The following SAMM50 variants were observed in gnomAD, a reference collection of about 807,000 sequenced individuals.
The protein encoded by SAMM50 is sorting and assembly machinery component 50 homolog.
Under a neutral mutation model 66.9 loss-of-function variants are expected in SAMM50, and 47 were observed. That is an observed-to-expected ratio of 0.70 (90% CI 0.56 to 0.90). The LOEUF (loss-of-function observed/expected upper bound fraction) is 0.90. Among genes scored for constraint, SAMM50 ranks in the 40% least tolerant of loss-of-function variants. SAMM50 has a pLI of 0.00. For synonymous variants in SAMM50, 191 were observed against 214.1 expected (o/e 0.89, Z 0.94); for missense variants, 535 against 595.3 (o/e 0.90, Z 1.05).
chr22:43,966,418 C>T (rs969390023), intron 3 of SAMM50, among the ~76,000 whole-genome samples: 10 of 151,838 alleles, frequency 6.6e-5, no homozygotes, highest in African/African-American at 2.4e-4. Context: ...AGTGCAATGG[C>T]GCGATCTTGG....
intron 14 of SAMM50, among the ~76,000 whole-genome samples, chr22:43,991,016 G>A (rs1046533565): frequency 3.9e-4 from 58 of 148,328 alleles, no homozygotes; most frequent in African/African-American, 1.2e-3. Context: ...TCATTCTGTC[G>A]CCCAGGCTGG....
Position 43,989,098 on chromosome 22 carries a change from C to T in SAMM50, c.1076-13C>T, listed in dbSNP as rs1364386596. 1.2e-6 allele frequency: 2 copies of T among 1,607,678 alleles called. No homozygotes were observed. The highest frequency in any genetic ancestry group is 1.3e-5 in the African/African-American group (1 of 74,580). The stretch of plus-strand genomic sequence containing the variant: ...CGGACCTTGTTTTTGTTCTGCACCC[C>T]TCCTTTGCTTAGGAGACTACCTAGG... On this transcript the variant is annotated splice_polypyrimidine_tract_variant and intron_variant, in intron 12 of 14. Transcript: ENST00000350028.
intron 7 of SAMM50, among the ~76,000 whole-genome samples, chr22:43,974,114 A>G (rs2050218836): frequency 6.6e-6 from 1 of 151,564 alleles, no homozygotes; most frequent in Non-Finnish European, 1.5e-5. Context: ...ATAGAATACT[A>G]TGTAAGAGTC....
chr22:43,990,754 C>T (rs1359701858), intron 14 of SAMM50, among the ~76,000 whole-genome samples: 1 of 152,044 alleles, frequency 6.6e-6, no homozygotes, highest in Non-Finnish European at 1.5e-5. Flanking sequence ...ACTTTGCAGG[C>T]CAGGGTCTCT....
rs534986762 is a variant in SAMM50 at position 43,968,815 on chromosome 22, C to G, written c.319C>G (p.Gln107Glu). Residue 107 changes from glutamine (Q) to glutamate (E), a missense_variant, in exon 4 of 15, where the codon CAA becomes GAA. Gln to Glu is a conservative substitution (Grantham distance 29). Transcript: ENST00000350028. ...RQVDVLIDTC[Q>E]GDDALPNGLD... ...AGTGGATGTTTTGATTGACACATGT[C>G]AAGGTACATATTGTGGTGTAGTATC... 2.5e-6 allele frequency: 4 copies of G among 1,604,540 alleles called. No homozygotes were observed. The highest frequency in any genetic ancestry group is 3.4e-6 in the Non-Finnish European group (4 of 1,171,334).
chr22:43,995,134 C>G (rs893281336), intron 14 of SAMM50, among the ~76,000 whole-genome samples: 2 of 152,166 alleles, frequency 1.3e-5, no homozygotes, highest in Non-Finnish European at 2.9e-5. Flanking sequence ...TTACTGTAAT[C>G]TTGAAGGGGC....
At chr22:43,956,816 G>T (rs1334869469) in intron 1 of SAMM50, among the ~76,000 whole-genome samples, 1 of 152,154 alleles carries the variant, frequency 6.6e-6, no homozygotes, top group Non-Finnish European at 1.5e-5. Context: ...CAGTTTTGCT[G>T]GAATTCGAGA....
chr22:43,976,281 G>A lies in SAMM50; in HGVS notation c.777+98G>A, dbSNP rs145739565. On this transcript the variant is annotated intron_variant, in intron 8 of 14. Transcript: ENST00000350028. Reference sequence around the variant, plus strand: ...TGCCAATATCAGGGCTGACTGAGAAGCGTCACCCAGATGGGGTGTCCACAG... The same window carrying A: ...TGCCAATATCAGGGCTGACTGAGAAACGTCACCCAGATGGGGTGTCCACAG... 300 of 1,427,764 alleles carry A rather than the reference G, an allele frequency of 2.1e-4. 1 individual carries two copies. In the African/African-American group the frequency reaches 4.0e-3, roughly 19 times the overall value. 88.4% of individuals were successfully genotyped at this position (1,427,764 alleles called of 1,614,324 possible).
chr22:43,963,534 A>T (rs2146807321), intron 2 of SAMM50, 138 bp downstream of exon 2: 1 of 476,688 alleles, frequency 2.1e-6, no homozygotes, highest in East Asian at 3.3e-5. Flanking sequence ...ACAACTAGAA[A>T]AACTGATGAC....
chr22:43,976,508 A>C (rs947866689), intron 8 of SAMM50, among the ~76,000 whole-genome samples: 3 of 152,096 alleles, frequency 2.0e-5, no homozygotes, highest in Non-Finnish European at 4.4e-5. Context: ...TGGGTGTTCA[A>C]CTCCCACGTA....
intron 12 of SAMM50, chr22:43,988,230 T>C (rs1289292823): frequency 3.3e-5 from 5 of 152,160 alleles, no homozygotes; most frequent in Non-Finnish European, 5.9e-5. Context: ...AGAGCTCTCG[T>C]GTTGAAAGGG....
At position 43,962,881 on chromosome 22, in the gene SAMM50, ATTTTTT is replaced by A. The variant is rs58022542; in HGVS notation, c.22-377_22-372del. ...GATTTGTGCGTGACCCTTTTGGTTA[ATTTTTT>A]TTTTTTTTTTTTTTTTTTTTTTTTT... On this transcript the variant is annotated intron_variant, in intron 1 of 14. Coordinates refer to ENST00000350028, the MANE Select transcript of SAMM50 (RefSeq NM_015380.5). 7.6e-5 allele frequency among the ~76,000 whole-genome samples: 5 copies of A among 65,506 alleles called. No homozygotes were observed. The Admixed American group carries it at 7.9e-4, about 10-fold the overall frequency. 43.0% of individuals were successfully genotyped at this position (65,506 alleles called of 152,430 possible).
chr22:43,966,358 C>T (rs1386398399), intron 3 of SAMM50, among the ~76,000 whole-genome samples: 1 of 151,896 alleles, frequency 6.6e-6, no homozygotes, highest in Non-Finnish European at 1.5e-5. Flanking sequence ...CACAAGTCCA[C>T]TGTCTTTTTT....
At chr22:43,960,782 T>G (rs1441170834) in intron 1 of SAMM50, among the ~76,000 whole-genome samples, 1 of 152,032 alleles carries the variant, frequency 6.6e-6, no homozygotes, top group Non-Finnish European at 1.5e-5. Context: ...ACTTCAAGTA[T>G]CAAGAGGTGT....
chr22:43,969,717 C>T (rs1028980509), intron 4 of SAMM50, among the ~76,000 whole-genome samples: 1 of 152,130 alleles, frequency 6.6e-6, no homozygotes, highest in Non-Finnish European at 1.5e-5. Flanking sequence ...GAAGAATGTT[C>T]TGGGGACAGA....
intron 10 of SAMM50, among the ~76,000 whole-genome samples, chr22:43,980,136 A>ACC (rs2050256383): frequency 9.7e-4 from 13 of 13,416 alleles, no homozygotes; most frequent in Non-Finnish European, 1.3e-3. Flanking sequence ...ACCCACCCAC[A>ACC]CATCCATCCA....
chr22:43,977,571 T>C (rs1421210507), intron 9 of SAMM50, among the ~76,000 whole-genome samples: 2 of 152,198 alleles, frequency 1.3e-5, no homozygotes, highest in East Asian at 1.9e-4. Context: ...CAAATGCCGA[T>C]GAAGCCAACG....
intron 5 of SAMM50, 67 bp from the exon 6 acceptor site, chr22:43,972,802 CTT>C (rs2050210164): frequency 1.3e-5 from 19 of 1,428,490 alleles, no homozygotes; most frequent in Non-Finnish European, 1.6e-5. Context: ...CTAGCATAGT[CTT>C]TATCCAATCC....
At chr22:43,989,077 C>G (rs1464974057) in intron 12 of SAMM50, 34 bp from the exon 13 acceptor site, 1 of 1,592,884 alleles carries the variant, frequency 6.3e-7, no homozygotes, top group African/African-American at 1.4e-5. Context: ...CCTTGTCGGA[C>G]CTTGTTTTTG....
Sources: allele counts gnomAD v4.1 joint callset (sites outside exome capture counted in the v4.1 genomes callset), GRCh38; gene constraint gnomAD v4.1.1; transcripts MANE v1.5; gene names NCBI Gene and HGNC (gene_info 2026-07-23, HGNC 2026-07-21).